Variants in MRTFB observed in about 807,000 individuals in gnomAD.
The protein encoded by MRTFB is myocardin related transcription factor B.
Under a neutral mutation model 104.2 loss-of-function variants are expected in MRTFB, and 29 were observed. The observed-to-expected ratio is 0.28, with a 90% confidence interval of 0.21 to 0.38. The LOEUF is 0.38. Among genes scored for constraint, MRTFB ranks in the 10% least tolerant of loss-of-function variants. The pLI, the probability that MRTFB is intolerant of heterozygous loss-of-function variation, is 1.00. For synonymous variants in MRTFB, 535 were observed against 519.5 expected (o/e 1.03, Z -0.41); for missense variants, 1,270 against 1,341.6 (o/e 0.95, Z 0.83).
At chr16:14,043,278 C>G in the MRTFB span, among the ~76,000 whole-genome samples, 20 of 152,232 alleles carry the variant, frequency 1.3e-4, no homozygotes, top group Middle Eastern at 3.4e-3. Context: ...TTTGTTTTCC[C>G]CATTCTTTCT....
At position 14,096,084 on chromosome 16, in the gene MRTFB, ATT is replaced by A. The variant is rs1596802497; in HGVS notation, c.-64+16732_-64+16733del. Among the ~76,000 whole-genome samples the A allele has an allele frequency of 4.6e-5, 7 of 151,382 alleles. No individual in the cohort carries two copies. The East Asian group carries it at 1.4e-3, about 29-fold the overall frequency. On this transcript the variant is annotated intron_variant, in intron 2 of 16. Transcript: ENST00000571589. ...TATTTATTTATTTATTTATTTATTT[ATT>A]TATTTATTTGAGACAAGTCTCGCTC...
rs372109988 is a variant in MRTFB at position 14,171,499 on chromosome 16, G to GGAA, written c.154+30739_154+30740insGAA. 7.4e-3 allele frequency among the ~76,000 whole-genome samples: 1,034 copies of GGAA among 138,858 alleles called. 12 individuals are homozygous for GGAA. Among genetic ancestry groups the GGAA allele is most frequent in the African/African-American group, 0.024 (910 of 38,486 alleles). The allele number at this position is 138,858 out of a possible 152,430, so 91.1% of individuals were successfully genotyped here. The stretch of plus-strand genomic sequence containing the variant: ...GGGCGACAGAGTGAGACTCTGTCTC[G>GGAA]AAAAAAAAAAAAATACATTTACACA... On this transcript the variant is annotated intron_variant, in intron 3 of 16. Transcript: ENST00000571589.
the MRTFB span, among the ~76,000 whole-genome samples, chr16:14,043,879 C>G: frequency 6.6e-6 from 1 of 152,204 alleles, no homozygotes; most frequent in South Asian, 2.1e-4. Flanking sequence ...AAGAACTCAC[C>G]ATCAAGTGAG....
chr16:14,255,851 C>T (rs143765096), intron 15 of MRTFB, among the ~76,000 whole-genome samples: 74 of 151,802 alleles, frequency 4.9e-4, no homozygotes, highest in Non-Finnish European at 7.9e-4. Flanking sequence ...TGGCATCTCA[C>T]GCCTGTAATC....
intron 4 of MRTFB, 28 bp from the exon 5 acceptor site, chr16:14,212,326 A>G (rs375025426): frequency 9.9e-6 from 16 of 1,612,040 alleles, no homozygotes; most frequent in South Asian, 5.5e-5. Context: ...CTCTATTTAT[A>G]CTGTGGAAAC....
At chr16:14,060,499 T>C in the MRTFB span, among the ~76,000 whole-genome samples, 2 of 152,172 alleles carry the variant, frequency 1.3e-5, no homozygotes, top group African/African-American at 4.8e-5. Flanking sequence ...GTTTGAATTT[T>C]CATTTTTCTC....
At chr16:14,227,599 C>CCT (rs2042066621) in intron 8 of MRTFB, among the ~76,000 whole-genome samples, 1 of 152,146 alleles carries the variant, frequency 6.6e-6, no homozygotes, top group African/African-American at 2.4e-5. Context: ...ACAACCTCCA[C>CCT]CTCCCAGGTT....
the MRTFB span, among the ~76,000 whole-genome samples, chr16:14,058,662 C>T: frequency 7.1e-6 from 1 of 141,674 alleles, no homozygotes. Context: ...ACTGGAAGGG[C>T]TTTTCTTTAA....
chr16:14,022,687 G>A, the MRTFB span, among the ~76,000 whole-genome samples: 1 of 151,536 alleles, frequency 6.6e-6, no homozygotes, highest in African/African-American at 2.4e-5. Flanking sequence ...CACCATGCCC[G>A]GCCATAAAAA....
intron 2 of MRTFB, among the ~76,000 whole-genome samples, chr16:14,140,268 T>C (rs763497667): frequency 8.5e-5 from 13 of 152,256 alleles, no homozygotes; most frequent in Non-Finnish European, 1.5e-4. Flanking sequence ...ATTAAATCTT[T>C]AGTGCCACCA....
intron 2 of MRTFB, among the ~76,000 whole-genome samples, chr16:14,110,618 A>G (rs1485722351): frequency 1.3e-5 from 2 of 152,076 alleles, no homozygotes; most frequent in Non-Finnish European, 2.9e-5. Context: ...TGCAGCAGCC[A>G]CACCACCCTC....
At chr16:14,139,619 A>T (rs9888894) in intron 2 of MRTFB, among the ~76,000 whole-genome samples, 1 of 152,124 alleles carries the variant, frequency 6.6e-6, no homozygotes, top group African/African-American at 2.4e-5. Flanking sequence ...GGTATTTACC[A>T]TTTGGATATT....
chr16:14,114,555 C>T (rs921983509), intron 2 of MRTFB, among the ~76,000 whole-genome samples: 5 of 152,172 alleles, frequency 3.3e-5, no homozygotes, highest in East Asian at 3.9e-4. Context: ...CTTGAGGCTG[C>T]GTTCCACCAT....
rs931050243 is a variant in MRTFB, at chr16:14,265,437, G to A, written c.*3993G>A. ...ACAAATGCATCAGTGTGTATCTGGA[G>A]AGCATCCTAACTGCATTTCAACTCA... On this transcript the variant is annotated 3_prime_UTR_variant, in exon 17 of 17. Coordinates refer to ENST00000571589, the MANE Select transcript of MRTFB (RefSeq NM_001308142.2). 1.3e-5 allele frequency: 2 copies of A among 152,198 alleles called. No individual in the cohort carries two copies. The highest frequency in any genetic ancestry group is 4.8e-5 in the African/African-American group (2 of 41,452). 9.4% of individuals were successfully genotyped at this position (152,198 alleles called of 1,614,324 possible).
intron 3 of MRTFB, chr16:14,186,659 C>A: frequency 7.9e-7 from 1 of 1,268,982 alleles, no homozygotes; most frequent in Non-Finnish European, 1.0e-6. Flanking sequence ...TAGAATCGTG[C>A]CTGTGTGGCT....
chr16:14,197,563 C>T (rs769067559), intron 3 of MRTFB, among the ~76,000 whole-genome samples: 1 of 152,140 alleles, frequency 6.6e-6, no homozygotes, highest in African/African-American at 2.4e-5. Flanking sequence ...TTAAATGTGA[C>T]ATTGTATTCT....
At chr16:14,178,643 T>C (rs2039665586) in intron 3 of MRTFB, among the ~76,000 whole-genome samples, 1 of 152,200 alleles carries the variant, frequency 6.6e-6, no homozygotes, top group South Asian at 2.1e-4. Flanking sequence ...AGTTATATGG[T>C]GGACTAGTGT....
At chr16:14,096,662 T>G (rs2035392063) in intron 2 of MRTFB, among the ~76,000 whole-genome samples, 1 of 152,238 alleles carries the variant, frequency 6.6e-6, no homozygotes, top group Non-Finnish European at 1.5e-5. Flanking sequence ...TTACATCTTC[T>G]GTAAAATGTC....
intron 1 of MRTFB, among the ~76,000 whole-genome samples, chr16:14,078,595 T>A (rs767832708): frequency 1.1e-4 from 12 of 109,216 alleles, no homozygotes; most frequent in African/African-American, 3.0e-4. Context: ...TCCTGGCAAA[T>A]TTTTTTTTTT....
Sources: gnomAD v4.1 joint callset for allele counts (sites outside exome capture counted in the v4.1 genomes callset) on GRCh38, gnomAD v4.1.1 for gene constraint, MANE v1.5 for transcripts, NCBI Gene and HGNC (gene_info 2026-07-23, HGNC 2026-07-21) for gene names.